Variants in SLC24A3 observed in about 807,000 individuals in gnomAD.
SLC24A3 encodes sodium/potassium/calcium exchanger 3.
Under a neutral mutation model 75.8 loss-of-function variants are expected in SLC24A3, and 28 were observed. The ratio of observed to expected loss-of-function variants is 0.37; its 90% CI spans 0.27 to 0.51. The LOEUF is 0.51. Ranked by LOEUF, SLC24A3 falls within the 20% of genes least tolerant of loss-of-function variation. The pLI is 0.94. For synonymous variants in SLC24A3, 372 were observed against 334.1 expected (o/e 1.11, Z -1.24); for missense variants, 663 against 847.8 (o/e 0.78, Z 2.71).
chr20:19,511,187 G>A (rs1988530143), intron 2 of SLC24A3, among the ~76,000 whole-genome samples: 1 of 152,066 alleles, frequency 6.6e-6, no homozygotes, highest in African/African-American at 2.4e-5. Context: ...TGCTTCCTGG[G>A]ATCACCTCCC....
chr20:19,379,222 T>C (rs1986140761), intron 2 of SLC24A3, among the ~76,000 whole-genome samples: 2 of 152,212 alleles, frequency 1.3e-5, no homozygotes, highest in Admixed American at 6.5e-5. Flanking sequence ...CCGTCACATA[T>C]GTTCAGAGCC....
chr20:19,558,622 A>G (rs993882410), intron 3 of SLC24A3, among the ~76,000 whole-genome samples: 17 of 152,096 alleles, frequency 1.1e-4, no homozygotes, highest in Non-Finnish European at 2.2e-4. Context: ...AGCTTGGGCC[A>G]GTTTAAGTTT....
At chr20:19,331,372 A>G (rs926096021) in intron 2 of SLC24A3, among the ~76,000 whole-genome samples, 2 of 152,100 alleles carry the variant, frequency 1.3e-5, no homozygotes, top group Non-Finnish European at 2.9e-5. Flanking sequence ...TGGTGGACAG[A>G]TAGGTAGGTA....
intron 6 of SLC24A3, among the ~76,000 whole-genome samples, chr20:19,601,904 G>A (rs2031531846): frequency 6.6e-6 from 1 of 152,232 alleles, no homozygotes; most frequent in Non-Finnish European, 1.5e-5. Context: ...CAAGCACGGT[G>A]GCTCACGCCT....
intron 2 of SLC24A3, among the ~76,000 whole-genome samples, chr20:19,450,923 T>C (rs6046104): frequency 0.58 from 88,874 of 152,042 alleles, 28,684 homozygotes; most frequent in East Asian, 0.93. Context: ...CACTTGAACC[T>C]GGGAAGTGGA....
chr20:19,298,853 C>T (rs1356043286), intron 2 of SLC24A3, among the ~76,000 whole-genome samples: 2 of 152,214 alleles, frequency 1.3e-5, no homozygotes, highest in Non-Finnish European at 2.9e-5. Context: ...GTTCTCCCTT[C>T]AAGGGGTGAG....
intron 6 of SLC24A3, among the ~76,000 whole-genome samples, chr20:19,639,089 C>T (rs2032037015): frequency 6.6e-6 from 1 of 152,140 alleles, no homozygotes; most frequent in African/African-American, 2.4e-5. Context: ...ATTGGTAGAG[C>T]CCAGTGATCT....
rs527801590 is a variant in SLC24A3, at chr20:19,319,286, A to G, written c.271+38199A>G. Among the ~76,000 whole-genome samples the G allele has an allele frequency of 7.9e-4, 121 of 152,344 alleles. 1 individual carries two copies. Among genetic ancestry groups the G allele is most frequent in the African/African-American group, 2.8e-3 (118 of 41,574 alleles). On this transcript the variant is annotated intron_variant, in intron 2 of 16. Transcript: ENST00000328041. ...AAATATGCATGTGTGTTTATTACTTAAAAAGTGTATCTCAAGTAAGCATTT... is the reference window on the plus strand; with the variant it reads ...AAATATGCATGTGTGTTTATTACTTGAAAAGTGTATCTCAAGTAAGCATTT...
chr20:19,508,081 A>T (rs1298602962), intron 2 of SLC24A3, among the ~76,000 whole-genome samples: 1 of 152,224 alleles, frequency 6.6e-6, no homozygotes, highest in Non-Finnish European at 1.5e-5. Flanking sequence ...ACTGGGCCAC[A>T]GAAAGAGAGG....
At chr20:19,478,565 T>A (rs1987999660) in intron 2 of SLC24A3, among the ~76,000 whole-genome samples, 1 of 152,190 alleles carries the variant, frequency 6.6e-6, no homozygotes, top group South Asian at 2.1e-4. Context: ...CTTACAAAGC[T>A]ACAGTGTGCC....
chr20:19,695,572 G>T (rs2032794861), intron 13 of SLC24A3: 1 of 152,136 alleles, frequency 6.6e-6, no homozygotes, highest in African/African-American at 2.4e-5. Flanking sequence ...GATATATTGT[G>T]TGATGGAAGT....
At chr20:19,571,010 G>A (rs532266030) in intron 3 of SLC24A3, among the ~76,000 whole-genome samples, 11 of 152,244 alleles carry the variant, frequency 7.2e-5, no homozygotes, top group African/African-American at 2.6e-4. Context: ...CGTTCCTCAA[G>A]TAGAAAGCAG....
Position 19,292,371 on chromosome 20 carries a change from A to G in SLC24A3, c.271+11284A>G, listed in dbSNP as rs369781410. On this transcript the variant is annotated intron_variant, in intron 2 of 16. Transcript: ENST00000328041. The stretch of plus-strand genomic sequence containing the variant: ...TTTTAGGGCGTGGGAGTTTTCTACT[A>G]TGGGAGGCAGGTAAAATGAATTTGA... Among the ~76,000 whole-genome samples the G allele has an allele frequency of 8.5e-5, 13 of 152,258 alleles. No individual in the cohort carries two copies. The East Asian group carries it at 1.2e-3, about 14-fold the overall frequency.
chr20:19,357,921 G>T (rs1014229535), intron 2 of SLC24A3, among the ~76,000 whole-genome samples: 20 of 152,220 alleles, frequency 1.3e-4, no homozygotes, highest in African/African-American at 4.6e-4. Flanking sequence ...TAATGATTTT[G>T]ATATTGAGTT....
At chr20:19,553,571 C>T (rs1026520841) in intron 3 of SLC24A3, among the ~76,000 whole-genome samples, 4 of 152,058 alleles carry the variant, frequency 2.6e-5, no homozygotes, top group African/African-American at 9.7e-5. Context: ...ATGAAAGACC[C>T]AGCATGGTAC....
chr20:19,411,206 C>T (rs765481277), intron 2 of SLC24A3, among the ~76,000 whole-genome samples: 1 of 152,138 alleles, frequency 6.6e-6, no homozygotes, highest in Non-Finnish European at 1.5e-5. Flanking sequence ...CATCAGGGCT[C>T]CCATTACCCC....
At chr20:19,249,683 A>G (rs6081548) in intron 1 of SLC24A3, among the ~76,000 whole-genome samples, 35,523 of 152,016 alleles carry the variant, frequency 0.23, 4,262 homozygotes, top group South Asian at 0.32. Context: ...TTTGCTGTCT[A>G]TTGGTGGACT....
At chr20:19,229,842 A>G (rs1238028370) in intron 1 of SLC24A3, among the ~76,000 whole-genome samples, 1 of 151,836 alleles carries the variant, frequency 6.6e-6, no homozygotes, top group African/African-American at 2.4e-5. Context: ...TTTCAGCACT[A>G]TTGGGTCTGC....
At chr20:19,395,018 G>A (rs1443236489) in intron 2 of SLC24A3, among the ~76,000 whole-genome samples, 2 of 152,178 alleles carry the variant, frequency 1.3e-5, no homozygotes, top group Non-Finnish European at 2.9e-5. Flanking sequence ...TATACATACA[G>A]CATTATTTAA....
Sources: gnomAD v4.1 joint callset for allele counts (sites outside exome capture counted in the v4.1 genomes callset) on GRCh38, gnomAD v4.1.1 for gene constraint, MANE v1.5 for transcripts, NCBI Gene and HGNC (gene_info 2026-07-23, HGNC 2026-07-21) for gene names.